The following UBE2U variants were observed in gnomAD, a reference collection of about 807,000 sequenced individuals.
UBE2U encodes the protein ubiquitin conjugating enzyme E2 U.
Under a neutral mutation model 41.2 loss-of-function variants are expected in UBE2U, and 39 were observed. The observed-to-expected ratio is 0.95, with a 90% confidence interval of 0.73 to 1.24. The LOEUF is 1.24. UBE2U is among the 50% of genes most tolerant of loss of function. The pLI is 0.00. For synonymous variants in UBE2U, 107 were observed against 117.8 expected (o/e 0.91, Z 0.60); for missense variants, 336 against 363.1 (o/e 0.93, Z 0.61).
At position 64,206,851 on chromosome 1, in the gene UBE2U, CA is replaced by C. The variant is rs1227810152; in HGVS notation, c.239del (p.Asn80MetfsTer2). 13 of 1,573,174 alleles carry C rather than the reference CA, an allele frequency of 8.3e-6. No individual in the cohort carries two copies. Among genetic ancestry groups the C allele is most frequent in the Middle Eastern group, 1.7e-4 (1 of 5,994 alleles). ...AAATTTATAACAATTCCGTTTCATC[CA>C]AATGGTAAGAACTAAATGACATTTT... Reference protein sequence around the residue: ...VVKFITIPFHPNVDPHTGQPC... With the variant: ...VVKFITIPFHXNVDPHTGQPC... On this transcript the variant is annotated frameshift_variant, in exon 3 of 10. Transcript: ENST00000371077. LOFTEE classifies it high-confidence loss of function.
chr1:64,257,872 G>C (rs1418564293), intron 8 of UBE2U, among the ~76,000 whole-genome samples: 1 of 105,198 alleles, frequency 9.5e-6, no homozygotes, highest in African/African-American at 3.6e-5. Context: ...TCAAAGATGG[G>C]AGAGAGTTTT....
chr1:64,222,031 GAGCCA>G (rs1395719709), intron 6 of UBE2U, among the ~76,000 whole-genome samples: 1 of 145,452 alleles, frequency 6.9e-6, no homozygotes, highest in Non-Finnish European at 1.5e-5. Context: ...AGCTTGCAGT[GAGCCA>G]AGCCGAGATG....
chr1:64,263,965 G>A (rs1308782010), intron 9 of UBE2U, among the ~76,000 whole-genome samples: 3 of 152,174 alleles, frequency 2.0e-5, no homozygotes, highest in Admixed American at 2.0e-4. Flanking sequence ...ACTCGTGTCA[G>A]TGCATCAGAC....
At chr1:64,257,823 C>T (rs1387472706) in intron 8 of UBE2U, among the ~76,000 whole-genome samples, 1 of 151,424 alleles carries the variant, frequency 6.6e-6, no homozygotes, top group African/African-American at 2.4e-5. Context: ...TGAATTTCAC[C>T]CCAATAAACT....
At chr1:64,257,364 A>G (rs1557748620) in intron 8 of UBE2U, among the ~76,000 whole-genome samples, 1 of 152,352 alleles carries the variant, frequency 6.6e-6, no homozygotes, top group East Asian at 1.9e-4. Flanking sequence ...ATCAACCCAA[A>G]TGCCCTTCAA....
At chr1:64,221,365 G>A (rs576168655) in intron 6 of UBE2U, among the ~76,000 whole-genome samples, 9 of 152,178 alleles carry the variant, frequency 5.9e-5, no homozygotes, top group African/African-American at 2.2e-4. Context: ...CACCCGCCTC[G>A]GCCTCCCAAA....
intron 6 of UBE2U, among the ~76,000 whole-genome samples, chr1:64,221,172 C>T (rs565899584): frequency 5.3e-5 from 8 of 152,190 alleles, no homozygotes; most frequent in Non-Finnish European, 7.4e-5. Flanking sequence ...AATGCAATGG[C>T]GCAATCTCAG....
intron 4 of UBE2U, among the ~76,000 whole-genome samples, chr1:64,211,811 G>A (rs1651680773): frequency 6.6e-6 from 1 of 152,116 alleles, no homozygotes; most frequent in Non-Finnish European, 1.5e-5. Flanking sequence ...TTATTTCAGT[G>A]AACTTGCTTT....
intron 8 of UBE2U, among the ~76,000 whole-genome samples, chr1:64,251,769 CTG>C (rs1645015008): frequency 6.6e-6 from 1 of 152,150 alleles, no homozygotes; most frequent in African/African-American, 2.4e-5. Flanking sequence ...ATATACAGAG[CTG>C]TGTGTAATCT....
intron 7 of UBE2U, among the ~76,000 whole-genome samples, chr1:64,236,751 T>G (rs1644675009): frequency 1.3e-5 from 2 of 152,192 alleles, no homozygotes; most frequent in African/African-American, 4.8e-5. Context: ...CTTTTATTCT[T>G]TGAGTCGTTA....
At chr1:64,217,115 T>C (rs1242409627) in intron 5 of UBE2U, among the ~76,000 whole-genome samples, 1 of 152,186 alleles carries the variant, frequency 6.6e-6, no homozygotes, top group Non-Finnish European at 1.5e-5. Context: ...GGAAGAATTG[T>C]TTGAAATAAT....
chr1:64,263,907 T>C (rs2100559157), intron 9 of UBE2U, among the ~76,000 whole-genome samples: 1 of 152,326 alleles, frequency 6.6e-6, no homozygotes, highest in East Asian at 1.9e-4. Context: ...CCACTTTGGG[T>C]GGCTAAATGT....
At chr1:64,218,306 T>C (rs1478231438) in intron 5 of UBE2U, among the ~76,000 whole-genome samples, 1 of 152,220 alleles carries the variant, frequency 6.6e-6, no homozygotes, top group Non-Finnish European at 1.5e-5. Flanking sequence ...AGTGTGGATC[T>C]ATTTGCTCGA....
At chr1:64,255,455 G>A (rs1342999809) in intron 8 of UBE2U, among the ~76,000 whole-genome samples, 3 of 152,160 alleles carry the variant, frequency 2.0e-5, no homozygotes, top group African/African-American at 7.2e-5. Context: ...AAACCTGGCA[G>A]AGATACAACA....
chr1:64,210,906 G>A lies in UBE2U; in HGVS notation c.339+67G>A, dbSNP rs1324624110. On this transcript the variant is annotated intron_variant, in intron 4 of 9. Coordinates refer to ENST00000371077, the MANE Select transcript of UBE2U (RefSeq NM_001366232.2). ...ATTACCCTAATTATTCAAACTACAA[G>A]GATTAAAATATACAATGCATATTTA... 8 of 1,134,710 alleles carry A rather than the reference G, an allele frequency of 7.1e-6. No individual in the cohort carries two copies. In the East Asian group the frequency reaches 1.4e-4, roughly 19 times the overall value. 70.3% of individuals were successfully genotyped at this position (1,134,710 alleles called of 1,614,324 possible).
intron 9 of UBE2U, among the ~76,000 whole-genome samples, chr1:64,261,956 T>G (rs781549692): frequency 6.6e-6 from 1 of 152,216 alleles, no homozygotes; most frequent in Non-Finnish European, 1.5e-5. Flanking sequence ...ATTTAGACTC[T>G]TTGACACAGA....
At chr1:64,232,672 T>C in intron 7 of UBE2U, 23 bp downstream of exon 7, 1 of 1,567,324 alleles carries the variant, frequency 6.4e-7, no homozygotes, top group Middle Eastern at 1.7e-4. Context: ...ATCCTTATCC[T>C]ATGTCCTTTT....
In UBE2U at chr1:64,220,894, CG is replaced by C; in HGVS notation, c.494del (p.Arg165LeufsTer22). 6.2e-7 allele frequency: 1 copy of C among 1,604,100 alleles called. No homozygotes were observed. The highest frequency in any genetic ancestry group is 8.5e-7 in the Non-Finnish European group (1 of 1,176,702). ...CAGCCAGGAGTTACCTAAAGACCCA[CG>C]TAAATGTATCAGGTAAGTTTTTCTT... Reference protein sequence around the residue: ...DDSQELPKDPRKCIRPIKTTS... With the variant: ...DDSQELPKDPXKCIRPIKTTS... On this transcript the variant is annotated frameshift_variant, in exon 6 of 10. Transcript: ENST00000371077. LOFTEE classifies it high-confidence loss of function.
At position 64,223,096 on chromosome 1, in the gene UBE2U, T is replaced by A. The variant is rs552842287; in HGVS notation, c.506+2189T>A. ...AGAATGTACTTAGAATGTACTGTAGTCATCCACGTACTTAGAATGAATTCA... is the reference window on the plus strand; with the variant it reads ...AGAATGTACTTAGAATGTACTGTAGACATCCACGTACTTAGAATGAATTCA... On this transcript the variant is annotated intron_variant, in intron 6 of 9. Transcript: ENST00000371077. 7.5e-4 allele frequency among the ~76,000 whole-genome samples: 114 copies of A among 152,272 alleles called. 2 individuals are homozygous for A. The highest frequency in any genetic ancestry group is 4.6e-4 in the Admixed American group (7 of 15,294).
Sources: gnomAD v4.1 joint callset for allele counts (sites outside exome capture counted in the v4.1 genomes callset) on GRCh38, gnomAD v4.1.1 for gene constraint, MANE v1.5 for transcripts, NCBI Gene and HGNC (gene_info 2026-07-23, HGNC 2026-07-21) for gene names.